The following IFT140 variants were observed in gnomAD, a reference collection of about 807,000 sequenced individuals.
IFT140 encodes the protein intraflagellar transport 140.
IFT140 carries 133 observed loss-of-function variants against 164.6 expected under a neutral mutation model. That is an observed-to-expected ratio of 0.81 (90% confidence interval 0.70 to 0.93). IFT140 has a LOEUF of 0.93. Ranked by LOEUF, IFT140 falls within the 40% of genes least tolerant of loss-of-function variation. The probability of loss-of-function intolerance (pLI) is 0.00; values close to 1 mark genes in which losing one functional copy is unlikely to be tolerated. For missense variants in IFT140, 2,045 were observed against 1,972.3 expected, an observed-to-expected ratio of 1.04 and a Z score of -0.70; for synonymous variants, 860 against 817.3, an observed-to-expected ratio of 1.05 and a Z score of -0.89.
chr16:1,563,763 T>A (rs1462172611), intron 17 of IFT140, among the ~76,000 whole-genome samples: 1 of 152,108 alleles, frequency 6.6e-6, no homozygotes, highest in African/African-American at 2.4e-5. Flanking sequence ...CCAGACCCCA[T>A]GCTAGGAAGA....
At position 1,607,286 on chromosome 16, in the gene IFT140, C is replaced by T. The variant is rs1024320645; in HGVS notation, c.-20G>A. ...GGCCATGACGGAACTCAGGCCTCCT[C>T]AGCGCTGAAACCTGCAGGGAAAAAA... On this transcript the variant is annotated 5_prime_UTR_variant, in exon 3 of 31. Coordinates refer to ENST00000426508, the MANE Select transcript of IFT140 (RefSeq NM_014714.4). 2 of 1,605,004 alleles carry T rather than the reference C, an allele frequency of 1.2e-6. No individual in the cohort carries two copies. The highest frequency in any genetic ancestry group is 8.5e-7 in the Non-Finnish European group (1 of 1,176,174).
chr16:1,516,198 A>G lies in IFT140; in HGVS notation c.4182+2018T>C, dbSNP rs139187728. On this transcript the variant is annotated intron_variant, in intron 30 of 30. Transcript: ENST00000426508. ...AAAAAACACCAGAAATGGATGGTAA[A>G]TATGTAGGTAAATGTAAAAGACTAT... is the stretch of plus-strand genomic sequence containing the variant. Among the ~76,000 whole-genome samples, 637 of 148,838 alleles carry G rather than the reference A, an allele frequency of 4.3e-3. 19 individuals carry two copies. The highest frequency in any genetic ancestry group is 0.015 in the African/African-American group (609 of 40,490).
In IFT140 at chr16:1,520,805, G is replaced by C; in HGVS notation, c.3457C>G (p.Gln1153Glu). ...CCCAGGCACAGCTGCAGGGCTTCCT[G>C]ATACTGCAAAGGTGCAGAAATGGGA... ...VELLLAARKY[Q>E]EALQLCLGQN... The change falls in exon 27 of 31, where the codon CAG (glutamine) becomes GAG (glutamate). Residue 1153 changes from glutamine (Q) to glutamate (E), a missense_variant. Physicochemically the swap from Gln to Glu is conservative, Grantham distance 29 (BLOSUM62 2). Transcript: ENST00000426508. 1 of 1,602,328 alleles carries C rather than the reference G, an allele frequency of 6.2e-7. No individual in the cohort carries two copies. The highest frequency in any genetic ancestry group is 8.5e-7 in the Non-Finnish European group (1 of 1,179,804).
rs1025870343 is a variant in IFT140, at chr16:1,531,302, G to A, written c.2400-4506C>T. On this transcript the variant is annotated intron_variant, in intron 19 of 30. Transcript: ENST00000426508. The surrounding 1 kb of genome is among the most constrained non-coding windows in gnomAD (Gnocchi z 4.7). ...GAACAAGAAGCAGATGGGCGGCAGG[G>A]GACGCAGCCTTCAAAGGTCCTGCAG... 1.3e-5 allele frequency: 2 copies of A among 152,248 alleles called. No individual in the cohort carries two copies. Among genetic ancestry groups the A allele is most frequent in the African/African-American group, 4.8e-5 (2 of 41,468 alleles). The allele number at this position is 152,248 out of a possible 1,614,324, so 9.4% of individuals were successfully genotyped here.
Position 1,531,182 on chromosome 16 carries a change from C to T in IFT140, c.2400-4386G>A, listed in dbSNP as rs1344077701. 4.6e-5 allele frequency: 7 copies of T among 152,186 alleles called. No individual in the cohort carries two copies. The highest frequency in any genetic ancestry group is 4.6e-4 in the Admixed American group (7 of 15,276). The allele number at this position is 152,186 out of a possible 1,614,324, so 9.4% of individuals were successfully genotyped here. On this transcript the variant is annotated intron_variant, in intron 19 of 30. Coordinates refer to ENST00000426508, the MANE Select transcript of IFT140 (RefSeq NM_014714.4). This position sits in a 1 kb window ranked among gnomAD's most constrained non-coding sequence, Gnocchi z 4.7. ...GACATAAATTCCAAGAAGTAAACAC[C>T]CTCTTAGTTCCCATCCAAGTCTTGA...
At chr16:1,569,011 T>G (rs887516547) in intron 14 of IFT140, among the ~76,000 whole-genome samples, 6 of 150,410 alleles carry the variant, frequency 4.0e-5, no homozygotes, top group African/African-American at 1.5e-4. Context: ...TTGTTTTTTT[T>G]TTTTTTTTTT....
rs551125772 is a variant in IFT140, at chr16:1,524,773, G to C, written c.2997+11C>G. 1.2e-6 allele frequency: 2 copies of C among 1,600,542 alleles called. No homozygotes were observed. The highest frequency in any genetic ancestry group is 2.7e-5 in the African/African-American group (2 of 74,676). On this transcript the variant is annotated intron_variant, in intron 23 of 30. Coordinates refer to ENST00000426508, the MANE Select transcript of IFT140 (RefSeq NM_014714.4). ...GTGTCCGCCTGGCCGGCTCCCCTGC[G>C]GGGACCTTACCTTCTGGACATTGCC...
chr16:1,520,413 A>C (rs1017806984), intron 27 of IFT140, 70 bp from the exon 28 acceptor site: 78 of 1,525,710 alleles, frequency 5.1e-5, no homozygotes, highest in East Asian at 4.5e-4. Flanking sequence ...GACCCCGAGC[A>C]GGAGCTCTCA....
intron 13 of IFT140, among the ~76,000 whole-genome samples, chr16:1,573,610 C>T (rs1014293465): frequency 6.6e-6 from 1 of 152,146 alleles, no homozygotes; most frequent in African/African-American, 2.4e-5. Flanking sequence ...CAAACCCAAC[C>T]TCTCAGGCTA....
chr16:1,581,859 T>C (rs1332491669), intron 12 of IFT140, among the ~76,000 whole-genome samples: 1 of 148,878 alleles, frequency 6.7e-6, no homozygotes, highest in Non-Finnish European at 1.5e-5. Flanking sequence ...GGTACAATCC[T>C]GGACAGAGTG....
intron 13 of IFT140, among the ~76,000 whole-genome samples, chr16:1,575,372 C>T (rs955240820): frequency 6.6e-6 from 1 of 151,230 alleles, no homozygotes; most frequent in African/African-American, 2.4e-5. Context: ...GAGATCTTAT[C>T]TGTAAAAAAA....
At chr16:1,537,832 C>T (rs2031227021) in intron 19 of IFT140, among the ~76,000 whole-genome samples, 1 of 152,206 alleles carries the variant, frequency 6.6e-6, no homozygotes, top group Non-Finnish European at 1.5e-5. Flanking sequence ...GGAGCCCCAC[C>T]CCTCTCTCCG....
At chr16:1,592,821 T>C (rs1475139708) in intron 4 of IFT140, among the ~76,000 whole-genome samples, 1 of 146,156 alleles carries the variant, frequency 6.8e-6, no homozygotes, top group Non-Finnish European at 1.5e-5. Context: ...GACCTCCCCA[T>C]GAAGGCTGGC....
intron 19 of IFT140, among the ~76,000 whole-genome samples, chr16:1,527,456 G>T (rs1453557743): frequency 6.6e-6 from 1 of 152,228 alleles, no homozygotes; most frequent in Non-Finnish European, 1.5e-5. Flanking sequence ...TTCCACCCCA[G>T]CCCTGTGCCC....
At chr16:1,568,432 G>A (rs2033843335) in intron 14 of IFT140, 98 bp from the exon 15 acceptor site, 6 of 954,582 alleles carry the variant, frequency 6.3e-6, no homozygotes, top group South Asian at 1.5e-5. Flanking sequence ...GTGCTGCACA[G>A]CTCTTAGGCT....
intron 19 of IFT140, chr16:1,554,799 G>T: frequency 6.2e-7 from 1 of 1,614,150 alleles, no homozygotes; most frequent in Non-Finnish European, 8.5e-7. Flanking sequence ...CCTGGTCATC[G>T]GGCTCGTGAC....
At chr16:1,544,392 C>G (rs532737164) in intron 19 of IFT140, among the ~76,000 whole-genome samples, 2 of 151,794 alleles carry the variant, frequency 1.3e-5, no homozygotes, top group Admixed American at 6.6e-5. Context: ...TCACTATGTT[C>G]GCCAGGATGG....
Position 1,587,275 on chromosome 16 carries a change from T to C in IFT140, c.932A>G (p.Tyr311Cys), listed in dbSNP as rs387907193. The stretch of plus-strand genomic sequence containing the variant: ...AAACTTCTCATCTGGACTCAGTATA[T>C]AATTCTCTCCTCGTTCTATGTCCCA... ...RFWDIERGEN[Y>C]ILSPDEKFGF... Residue 311 changes from tyrosine to cysteine, a missense_variant, in exon 9 of 31, where the codon TAT (tyrosine) becomes TGT (cysteine). Transcript: ENST00000426508. The C allele has an allele frequency of 1.2e-6, 2 of 1,612,300 alleles. No individual in the cohort carries two copies. Among genetic ancestry groups the C allele is most frequent in the Non-Finnish European group, 1.7e-6 (2 of 1,178,398 alleles).
chr16:1,528,127 G>T (rs2029922779), intron 19 of IFT140, among the ~76,000 whole-genome samples: 1 of 152,150 alleles, frequency 6.6e-6, no homozygotes, highest in Non-Finnish European at 1.5e-5. Context: ...AAGGGCCTTG[G>T]GGCCGGGCTG....
Sources: gnomAD v4.1 joint callset for allele counts (sites outside exome capture counted in the v4.1 genomes callset) on GRCh38, gnomAD v4.1.1 for gene constraint, Gnocchi (gnomAD v3.1) non-coding constraint, MANE v1.5 for transcripts, NCBI Gene and HGNC (gene_info 2026-07-23, HGNC 2026-07-21) for gene names.